The following PFDN1 variants were observed in gnomAD, a reference collection of about 807,000 sequenced individuals.
PFDN1 encodes prefoldin subunit 1.
PFDN1 carries 6 observed loss-of-function variants against 17.3 expected under a neutral mutation model. That is an observed-to-expected ratio of 0.35 (90% confidence interval 0.19 to 0.69). PFDN1 has a LOEUF of 0.69. PFDN1 is among the 30% of genes least tolerant of loss of function. PFDN1 has a pLI of 0.65. For synonymous variants in PFDN1, 58 were observed against 50.1 expected, an observed-to-expected ratio of 1.16 and a Z score of -0.67; for missense variants, 113 against 146.2, an observed-to-expected ratio of 0.77 and a Z score of 1.17.
chr5:140,258,266 A>G (rs1056349699), intron 3 of PFDN1, among the ~76,000 whole-genome samples: 2 of 152,132 alleles, frequency 1.3e-5, no homozygotes, highest in Admixed American at 1.3e-4. Flanking sequence ...AAAACGTCCT[A>G]TGAGTCATGA....
At chr5:140,264,090 G>A (rs1259640076) in intron 3 of PFDN1, among the ~76,000 whole-genome samples, 1 of 141,942 alleles carries the variant, frequency 7.0e-6, no homozygotes, top group African/African-American at 2.6e-5. Context: ...GAGCCAGCAC[G>A]TCACATGGTG....
intron 2 of PFDN1, among the ~76,000 whole-genome samples, chr5:140,282,291 G>A (rs1765417290): frequency 6.7e-6 from 1 of 149,500 alleles, no homozygotes; most frequent in Non-Finnish European, 1.5e-5. Context: ...CATACGCTAA[G>A]AGAAAAGTCA....
chr5:140,252,486 G>A (rs143876358), intron 3 of PFDN1, among the ~76,000 whole-genome samples: 1 of 152,164 alleles, frequency 6.6e-6, no homozygotes, highest in Non-Finnish European at 1.5e-5. Flanking sequence ...TCCAGCTCCT[G>A]GACACCACCA....
intron 3 of PFDN1, among the ~76,000 whole-genome samples, chr5:140,276,493 A>C (rs1031823358): frequency 6.6e-6 from 1 of 152,152 alleles, no homozygotes; most frequent in African/African-American, 2.4e-5. Flanking sequence ...AAAGACTGAG[A>C]GTATTGGCCA....
At chr5:140,259,777 G>A (rs759918462) in intron 3 of PFDN1, among the ~76,000 whole-genome samples, 2 of 152,322 alleles carry the variant, frequency 1.3e-5, no homozygotes, top group Middle Eastern at 3.4e-3. Flanking sequence ...AGGTGTGTGT[G>A]GCTAGAGCCT....
rs144308463 is a variant in PFDN1 at position 140,287,075 on chromosome 5, A to G, written c.201-5542T>C. On this transcript the variant is annotated intron_variant, in intron 2 of 3. Transcript: ENST00000261813. ...TATAAATATGTGTGTATGTGAATAT[A>G]TGTATACAAATAATCCAATCAACCT... Among the ~76,000 whole-genome samples, 290 of 152,350 alleles carry G rather than the reference A, an allele frequency of 1.9e-3. 2 individuals are homozygous for G. Among genetic ancestry groups the G allele is most frequent in the Middle Eastern group, 0.014 (4 of 294 alleles).
intron 3 of PFDN1, among the ~76,000 whole-genome samples, chr5:140,276,760 GAC>G (rs1765299690): frequency 8.9e-6 from 1 of 112,128 alleles, no homozygotes; most frequent in Admixed American, 1.3e-4. Flanking sequence ...CAACCTGGGT[GAC>G]AGAGTGAGAC....
At chr5:140,287,576 T>G (rs1359450865) in intron 2 of PFDN1, among the ~76,000 whole-genome samples, 1 of 151,716 alleles carries the variant, frequency 6.6e-6, no homozygotes, top group Non-Finnish European at 1.5e-5. Context: ...GCAGGGAAAA[T>G]ACAAGATGAA....
At chr5:140,279,670 T>C (rs2126691822) in intron 3 of PFDN1, among the ~76,000 whole-genome samples, 1 of 151,978 alleles carries the variant, frequency 6.6e-6, no homozygotes, top group Admixed American at 6.6e-5. Flanking sequence ...AAAAAGTTAA[T>C]GTATACTTGT....
chr5:140,293,654 C>G (rs1317477829), intron 2 of PFDN1, among the ~76,000 whole-genome samples: 1 of 151,976 alleles, frequency 6.6e-6, no homozygotes, highest in Non-Finnish European at 1.5e-5. Context: ...GTAATTCTTA[C>G]GCAAATGTTT....
chr5:140,278,394 C>T (rs1179324196), intron 3 of PFDN1, among the ~76,000 whole-genome samples: 1 of 150,832 alleles, frequency 6.6e-6, no homozygotes, highest in African/African-American at 2.4e-5. Context: ...GGTGAAACCC[C>T]ATCTCTACTA....
chr5:140,273,516 C>A (rs1475234166), intron 3 of PFDN1, among the ~76,000 whole-genome samples: 1 of 152,200 alleles, frequency 6.6e-6, no homozygotes, highest in East Asian at 1.9e-4. Context: ...AGTATCAAAC[C>A]TAAGCCAACT....
intron 3 of PFDN1, among the ~76,000 whole-genome samples, chr5:140,275,082 A>G (rs1309791301): frequency 6.6e-6 from 1 of 151,532 alleles, no homozygotes; most frequent in Non-Finnish European, 1.5e-5. Flanking sequence ...TTCTAAGGAA[A>G]AAAAAGACAG....
At chr5:140,262,802 C>A (rs376823866) in intron 3 of PFDN1, among the ~76,000 whole-genome samples, 1 of 151,120 alleles carries the variant, frequency 6.6e-6, no homozygotes, top group East Asian at 1.9e-4. Flanking sequence ...AAAAAAAAAC[C>A]AAAAAGGTAA....
At chr5:140,286,748 G>A (rs1417824614) in intron 2 of PFDN1, among the ~76,000 whole-genome samples, 3 of 151,652 alleles carry the variant, frequency 2.0e-5, no homozygotes, top group Non-Finnish European at 4.4e-5. Context: ...TAGGATTATG[G>A]GTGCCTGCCA....
At chr5:140,266,132 G>A (rs1456572580) in intron 3 of PFDN1, among the ~76,000 whole-genome samples, 1 of 152,188 alleles carries the variant, frequency 6.6e-6, no homozygotes, top group Non-Finnish European at 1.5e-5. Context: ...ATATGGGGAA[G>A]GAAGAGGAAG....
chr5:140,268,428 G>A (rs1352887398), intron 3 of PFDN1, among the ~76,000 whole-genome samples: 4 of 152,216 alleles, frequency 2.6e-5, no homozygotes, highest in Admixed American at 6.5e-5. Context: ...AAGGTGGACC[G>A]CTTGAGGCCA....
chr5:140,276,640 C>T (rs908555993), intron 3 of PFDN1, among the ~76,000 whole-genome samples: 1 of 151,546 alleles, frequency 6.6e-6, no homozygotes, highest in African/African-American at 2.4e-5. Context: ...ATTAGCTGGG[C>T]GTGGTGGCAC....
chr5:140,265,319 G>A (rs1581086061), intron 3 of PFDN1, among the ~76,000 whole-genome samples: 2 of 152,232 alleles, frequency 1.3e-5, no homozygotes, highest in Admixed American at 1.3e-4. Flanking sequence ...GACTCAAAAT[G>A]GACGCCGTCC....
Sources: allele counts gnomAD v4.1 joint callset (sites outside exome capture counted in the v4.1 genomes callset), GRCh38; gene constraint gnomAD v4.1.1; transcripts MANE v1.5; gene names NCBI Gene and HGNC (gene_info 2026-07-23, HGNC 2026-07-21).